ZNF433: variants seen among roughly 807,000 people sequenced by gnomAD.
ZNF433 encodes the protein zinc finger protein 433.
ZNF433 carries 12 observed loss-of-function variants against 10.6 expected under a neutral mutation model. The observed-to-expected ratio is 1.13, with a 90% CI of 0.72 to 1.83. The LOEUF is 1.83. Ranked by LOEUF, ZNF433 falls within the 40% of genes most tolerant of loss-of-function variation. ZNF433 has a pLI of 0.00. For missense variants in ZNF433, 737 were observed against 798.0 expected, an observed-to-expected ratio of 0.92 and a Z score of 0.92; for synonymous variants, 272 against 271.3, an observed-to-expected ratio of 1.00 and a Z score of -0.02.
chr19:12,025,358 C>T (rs530399556), intron 1 of ZNF433: 72 of 152,348 alleles, frequency 4.7e-4, no homozygotes, highest in African/African-American at 1.7e-3. Flanking sequence ...ACCCTTTTTA[C>T]ATCACTCACA....
intron 1 of ZNF433, among the ~76,000 whole-genome samples, chr19:12,022,687 C>T (rs1974554649): frequency 6.6e-6 from 1 of 152,148 alleles, no homozygotes; most frequent in South Asian, 2.1e-4. Flanking sequence ...TGGTTCCTTC[C>T]ATCTTGTAAC....
intron 1 of ZNF433, among the ~76,000 whole-genome samples, chr19:12,032,475 C>G (rs1389872087): frequency 1.3e-5 from 2 of 148,922 alleles, no homozygotes; most frequent in African/African-American, 5.2e-5. Context: ...GAATATAAGA[C>G]TAAATAGCGA....
intron 1 of ZNF433, among the ~76,000 whole-genome samples, chr19:12,035,133 G>A (rs1313724269): frequency 6.6e-6 from 1 of 152,140 alleles, no homozygotes; most frequent in East Asian, 1.9e-4. Context: ...AATTGTTAAC[G>A]TGTCTCAGTT....
At chr19:12,024,319 C>T (rs1038719286) in intron 1 of ZNF433, 4 of 152,212 alleles carry the variant, frequency 2.6e-5, no homozygotes, top group African/African-American at 9.6e-5. Flanking sequence ...AAGACTGTTT[C>T]TTTACTATCC....
At position 12,015,113 on chromosome 19, in the gene ZNF433, G is replaced by C. The variant is rs1438802784; in HGVS notation, c.1745C>G (p.Thr582Ser). ...CTTACATTCATAGGGTTTCTCTCCA[G>C]TGTGAGTCCTTCCATGCATTTGAAG... is the stretch of plus-strand genomic sequence containing the variant. ...SHLQMHGRTHTGEKPYECKQC... is the reference protein window; with the variant it reads ...SHLQMHGRTHSGEKPYECKQC... Residue 582 changes from threonine (T) to serine (S), a missense_variant, in exon 4 of 4, where the codon ACT becomes AGT. By Grantham distance (58) the Thr-to-Ser change is moderately conservative (BLOSUM62 1). Transcript: ENST00000550507. 3.1e-6 allele frequency: 5 copies of C among 1,613,990 alleles called. No individual in the cohort carries two copies. Among genetic ancestry groups the C allele is most frequent in the Non-Finnish European group, 4.2e-6 (5 of 1,180,010 alleles).
chr19:12,015,352 G>A lies in ZNF433; in HGVS notation c.1506C>T (p.Thr502=), dbSNP rs752108315. 1.2e-6 allele frequency: 2 copies of A among 1,613,892 alleles called. No individual in the cohort carries two copies. The highest frequency in any genetic ancestry group is 2.2e-5 in the South Asian group (2 of 91,074). ...RHERTHTGGK[T]YECKQCGRSF... ...ATCTGCCACACTGCTTGCATTCATA[G>A]GTTTTTCCTCCAGTGTGAGTCCTTT... The change falls in exon 4 of 4, where the codon ACC becomes ACT. Residue 502 remains threonine (T), a synonymous_variant. Coordinates refer to ENST00000550507, the MANE Select transcript of ZNF433 (RefSeq NM_001308348.2).
chr19:12,024,172 A>G (rs1974628357), intron 1 of ZNF433: 1 of 152,224 alleles, frequency 6.6e-6, no homozygotes, highest in South Asian at 2.1e-4. Flanking sequence ...CGTAATTAAG[A>G]AAACATCAGG....
chr19:12,035,467 A>G, intron 1 of ZNF433, 70 bp downstream of exon 1: 1 of 1,549,006 alleles, frequency 6.5e-7, no homozygotes. Flanking sequence ...CCCGGGTCCC[A>G]CCACAGCCGG....
rs1176277373 is a variant in ZNF433 at position 12,016,542 on chromosome 19, A to C, written c.316T>G (p.Tyr106Asp). 7 of 1,614,140 alleles carry C rather than the reference A, an allele frequency of 4.3e-6. No individual in the cohort carries two copies. The highest frequency in any genetic ancestry group is 1.3e-5 in the African/African-American group (1 of 75,034). ...TGVKSCESSV[Y>D]GEVGSAHSSL... ...GAATGAGCACTGCCTACTTCTCCAT[A>C]CACACTGCTTTCGCATGATTTTACT... The change falls in exon 4 of 4, where the codon TAT becomes GAT. Residue 106 changes from tyrosine to aspartate, a missense_variant. By Grantham distance (160) the Tyr-to-Asp change is radical. Coordinates refer to ENST00000550507, the MANE Select transcript of ZNF433 (RefSeq NM_001308348.2).
Position 12,016,563 on chromosome 19 carries a change from T to C in ZNF433, c.295A>G (p.Lys99Glu). The C allele has an allele frequency of 6.2e-6, 10 of 1,614,178 alleles. No homozygotes were observed. Among genetic ancestry groups the C allele is most frequent in the Non-Finnish European group, 8.5e-6 (10 of 1,180,038 alleles). Residue 99 changes from lysine to glutamate, a missense_variant, in exon 4 of 4, where the codon AAA becomes GAA. Transcript: ENST00000550507. Reference protein sequence around the residue: ...DMLKKTTTGVKSCESSVYGEV... With the variant: ...DMLKKTTTGVESCESSVYGEV... Reference sequence around the variant, plus strand: ...CCATACACACTGCTTTCGCATGATTTTACTCCAGTAGTTGTTTTCTTCAGC... The same window carrying C: ...CCATACACACTGCTTTCGCATGATTCTACTCCAGTAGTTGTTTTCTTCAGC...
intron 1 of ZNF433, chr19:12,034,761 C>T (rs1975196395): frequency 8.8e-6 from 4 of 453,134 alleles, no homozygotes; most frequent in African/African-American, 4.0e-5. Context: ...CCTTCAGAAT[C>T]CCTCAACCAC....
chr19:12,035,523 G>A lies in ZNF433; in HGVS notation c.3+14C>T. The A allele has an allele frequency of 1.3e-6, 2 of 1,571,482 alleles. No individual in the cohort carries two copies. Among genetic ancestry groups the A allele is most frequent in the South Asian group, 2.3e-5 (2 of 85,444 alleles). ...CTCCTCCCCCGCCTCGGGACCCCTG[G>A]CCCGCACGCTCACCATTTCTTGCCT... On this transcript the variant is annotated intron_variant, in intron 1 of 3. Transcript: ENST00000550507.
rs749053953 is a variant in ZNF433 at position 12,015,470 on chromosome 19, TGAAA to T, written c.1384_1387del (p.Phe462LysfsTer205). The T allele has an allele frequency of 1.4e-5, 22 of 1,614,070 alleles. No individual in the cohort carries two copies. Among genetic ancestry groups the T allele is most frequent in the South Asian group, 7.7e-5 (7 of 91,074 alleles). ...TTCTCTGTGCATCCTTTCATGTATTTGAAAGAAAGAGAAATTACTAAATGGTTTT... is the reference window on the plus strand; with the variant it reads ...TTCTCTGTGCATCCTTTCATGTATTTGAAAGAGAAATTACTAAATGGTTTT... On this transcript the variant is annotated frameshift_variant, in exon 4 of 4. Coordinates refer to ENST00000550507, the MANE Select transcript of ZNF433 (RefSeq NM_001308348.2). LOFTEE classifies it low-confidence loss of function (END_TRUNC).
intron 1 of ZNF433, chr19:12,027,190 A>C (rs1212655651): frequency 2.4e-6 from 1 of 415,892 alleles, no homozygotes; most frequent in Non-Finnish European, 4.6e-6. Flanking sequence ...AATAGATAAA[A>C]ACACTTGGAG....
rs200347118 is a variant in ZNF433 at position 12,014,979 on chromosome 19, G to A, written c.1879C>T (p.Pro627Ser). ...CTTCCATGCCTTCGAAGGTTTGAGG[G>A]ACATCCAAAAGCTTTCCCACATTGC... Reference protein sequence around the residue: ...CKQCGKAFGCPSNLRRHGRTH... With the variant: ...CKQCGKAFGCSSNLRRHGRTH... The change falls in exon 4 of 4, where the codon CCC becomes TCC. Residue 627 changes from proline to serine, a missense_variant. Pro to Ser is a moderately conservative substitution (Grantham distance 74, BLOSUM62 -1). Coordinates refer to ENST00000550507, the MANE Select transcript of ZNF433 (RefSeq NM_001308348.2). 166 of 1,608,320 alleles carry A rather than the reference G, an allele frequency of 1.0e-4. No homozygotes were observed. Among genetic ancestry groups the A allele is most frequent in the Non-Finnish European group, 1.4e-4 (162 of 1,178,542 alleles).
At chr19:12,019,490 G>C (rs1599356345) in intron 1 of ZNF433, among the ~76,000 whole-genome samples, 1 of 152,124 alleles carries the variant, frequency 6.6e-6, no homozygotes, top group African/African-American at 2.4e-5. Flanking sequence ...TCTGTTTAAA[G>C]GATAATAAAT....
intron 2 of ZNF433, 58 bp downstream of exon 2, chr19:12,018,108 G>GAA (rs149342296): frequency 3.1e-3 from 3,831 of 1,228,190 alleles, no homozygotes; most frequent in African/African-American, 9.2e-3. Context: ...CTTGTTCTCA[G>GAA]AAAAAAAAAA....
Position 12,015,987 on chromosome 19 carries a change from A to AAG in ZNF433, c.869_870dup (p.Ser291LeufsTer378). ...CTTTCATGTATTTGAAAGGAATGGG[A>AAG]AGAGCTGAAGGCTTTCCCACACTGT... On this transcript the variant is annotated frameshift_variant, in exon 4 of 4. Transcript: ENST00000550507. LOFTEE classifies it low-confidence loss of function (END_TRUNC). 6.2e-7 allele frequency: 1 copy of AAG among 1,613,586 alleles called. No individual in the cohort carries two copies.
intron 1 of ZNF433, chr19:12,027,340 G>A (rs1349687492): frequency 1.3e-5 from 4 of 316,122 alleles, no homozygotes; most frequent in African/African-American, 4.5e-5. Flanking sequence ...AAAACAAAAA[G>A]GGGGAACATG....
Sources: allele counts gnomAD v4.1 joint callset (sites outside exome capture counted in the v4.1 genomes callset), GRCh38; gene constraint gnomAD v4.1.1; transcripts MANE v1.5; gene names NCBI Gene and HGNC (gene_info 2026-07-23, HGNC 2026-07-21).